CNBD1: variants seen among roughly 807,000 people sequenced by gnomAD.
The protein encoded by CNBD1 is cyclic nucleotide binding domain containing 1, also known as cyclic nucleotide-binding domain-containing protein 1.
Under a neutral mutation model 54.4 loss-of-function variants are expected in CNBD1, and 71 were observed. The observed-to-expected ratio is 1.30, with a 90% CI of 1.08 to 1.59. The LOEUF is 1.59. Among genes scored for constraint, CNBD1 ranks in the 40% most tolerant of loss-of-function variants. The probability of loss-of-function intolerance (pLI) is 0.00; values close to 1 mark genes in which losing one functional copy is unlikely to be tolerated. For missense variants in CNBD1, 659 were observed against 518.0 expected (o/e 1.27, Z -2.64); for synonymous variants, 182 against 170.7 (o/e 1.07, Z -0.51).
intron 4 of CNBD1, among the ~76,000 whole-genome samples, chr8:87,066,213 G>C (rs1424601246): frequency 6.6e-6 from 1 of 151,980 alleles, no homozygotes; most frequent in Non-Finnish European, 1.5e-5. Flanking sequence ...GAAGGTTTAT[G>C]TGAGACAACT....
Position 87,389,218 on chromosome 8 carries a change from G to C in CNBD1, c.213+35432G>C, listed in dbSNP as rs574639048. On this transcript the variant is annotated intron_variant, in intron 2 of 7. Coordinates refer to the CNBD1 transcript ENST00000521593. ...GACAGGGATGCCCTCTCTCACCGCTGCTATTCAACATAGTGTTGGAAGTTC... is the reference window on the plus strand; with the variant it reads ...GACAGGGATGCCCTCTCTCACCGCTCCTATTCAACATAGTGTTGGAAGTTC... Among the ~76,000 whole-genome samples, 146 of 152,184 alleles carry C rather than the reference G, an allele frequency of 9.6e-4. 1 individual carries two copies. The highest frequency in any genetic ancestry group is 3.3e-3 in the African/African-American group (137 of 41,542).
intron 3 of CNBD1, among the ~76,000 whole-genome samples, chr8:86,928,213 G>A (rs374527636): frequency 6.6e-5 from 10 of 152,178 alleles, no homozygotes; most frequent in African/African-American, 9.6e-5. Context: ...CAAGTTGGCC[G>A]TTTCCTGATC....
At chr8:87,272,270 G>A (rs1011247412) in intron 6 of CNBD1, among the ~76,000 whole-genome samples, 1 of 151,940 alleles carries the variant, frequency 6.6e-6, no homozygotes, top group African/African-American at 2.4e-5. Context: ...AATATTTAAA[G>A]TGATGGACAT....
At chr8:86,891,367 T>C (rs1213102122) in intron 2 of CNBD1, among the ~76,000 whole-genome samples, 1 of 152,160 alleles carries the variant, frequency 6.6e-6, no homozygotes, top group Non-Finnish European at 1.5e-5. Flanking sequence ...TTGTGTGTTC[T>C]TGGCAATTTT....
chr8:86,957,385 A>AAT lies in CNBD1; in HGVS notation c.431+17632_431+17633insTA. Among the ~76,000 whole-genome samples the AAT allele has an allele frequency of 4.6e-5, 7 of 152,226 alleles. No homozygotes were observed. In the East Asian group the frequency reaches 1.2e-3, roughly 25 times the overall value. On this transcript the variant is annotated intron_variant, in intron 4 of 10. Coordinates refer to ENST00000518476, the MANE Select transcript of CNBD1 (RefSeq NM_173538.3). ...GATTCCCTCTTTTTCTATTGATTGGAAGCATTTCAGAAGGAATGGTACCAG... is the reference window on the plus strand; with the variant it reads ...GATTCCCTCTTTTTCTATTGATTGGAATAGCATTTCAGAAGGAATGGTACCAG...
chr8:87,314,492 A>G (rs1305135038), intron 8 of CNBD1, among the ~76,000 whole-genome samples: 1 of 151,982 alleles, frequency 6.6e-6, no homozygotes, highest in Non-Finnish European at 1.5e-5. Flanking sequence ...ATCTAAAAAA[A>G]GAAGTCAGCT....
Position 86,939,623 on chromosome 8 carries a change from T to C in CNBD1, c.300T>C (p.Ser100=). The stretch of plus-strand genomic sequence containing the variant: ...AACTCAATGAAGGCAAAGAGGAAAG[T>C]CAACATCAACAACCTGATGATTCTA... ...QRELNEGKEE[S]QHQQPDDSNN... Residue 100 remains serine (S), a synonymous_variant, in exon 4 of 11, where the codon AGT becomes AGC. Transcript: ENST00000518476. 6.3e-7 allele frequency: 1 copy of C among 1,596,604 alleles called. No homozygotes were observed. Among genetic ancestry groups the C allele is most frequent in the Non-Finnish European group, 8.5e-7 (1 of 1,173,706 alleles).
chr8:87,006,780 C>T (rs1809106775), intron 4 of CNBD1, among the ~76,000 whole-genome samples: 1 of 152,198 alleles, frequency 6.6e-6, no homozygotes, highest in African/African-American at 2.4e-5. Context: ...TCTTTAATCT[C>T]CTCCTCTTCC....
chr8:86,898,692 A>G (rs1808883817), intron 2 of CNBD1, among the ~76,000 whole-genome samples: 1 of 152,190 alleles, frequency 6.6e-6, no homozygotes, highest in South Asian at 2.1e-4. Context: ...ATAGACCTAA[A>G]TTTAAAATGC....
At chr8:86,962,204 A>T (rs1807947074) in intron 4 of CNBD1, among the ~76,000 whole-genome samples, 1 of 152,184 alleles carries the variant, frequency 6.6e-6, no homozygotes, top group Non-Finnish European at 1.5e-5. Flanking sequence ...GTGCAATAAG[A>T]ATGGTAAGAC....
intron 4 of CNBD1, among the ~76,000 whole-genome samples, chr8:87,152,986 A>G (rs948299313): frequency 6.6e-6 from 1 of 152,188 alleles, no homozygotes; most frequent in African/African-American, 2.4e-5. Flanking sequence ...TAATTATATT[A>G]GTATGATTTC....
intron 4 of CNBD1, among the ~76,000 whole-genome samples, chr8:87,101,895 T>A (rs1429249328): frequency 6.6e-6 from 1 of 151,060 alleles, no homozygotes; most frequent in East Asian, 1.9e-4. Flanking sequence ...TTAATTTTTT[T>A]TTTTTTTTTT....
At chr8:87,255,347 T>C (rs1807989804) in intron 6 of CNBD1, among the ~76,000 whole-genome samples, 1 of 152,094 alleles carries the variant, frequency 6.6e-6, no homozygotes, top group African/African-American at 2.4e-5. Context: ...ATGTACTGAG[T>C]AGTTATAATT....
At chr8:87,138,550 G>A (rs1162288765) in intron 4 of CNBD1, among the ~76,000 whole-genome samples, 1 of 152,208 alleles carries the variant, frequency 6.6e-6, no homozygotes, top group Non-Finnish European at 1.5e-5. Flanking sequence ...TGCTCCTGCT[G>A]TTTAGTGGAA....
chr8:86,892,487 TA>T (rs1371110593), intron 2 of CNBD1, among the ~76,000 whole-genome samples: 1 of 152,134 alleles, frequency 6.6e-6, no homozygotes, highest in Non-Finnish European at 1.5e-5. Context: ...CATCGTTATT[TA>T]AAACAAAAGA....
At chr8:87,396,273 A>G (rs1470071473) in intron 2 of CNBD1, among the ~76,000 whole-genome samples, 1 of 151,950 alleles carries the variant, frequency 6.6e-6, no homozygotes, top group East Asian at 1.9e-4. Flanking sequence ...CTATAGTTTC[A>G]TACAACAATC....
intron 8 of CNBD1, among the ~76,000 whole-genome samples, chr8:87,348,784 C>T (rs917135183): frequency 1.3e-5 from 2 of 152,114 alleles, no homozygotes; most frequent in East Asian, 1.9e-4. Flanking sequence ...TTCTTCTTAT[C>T]GTAACTTCTT....
chr8:87,128,258 C>A (rs62527285), intron 4 of CNBD1, among the ~76,000 whole-genome samples: 2 of 152,190 alleles, frequency 1.3e-5, no homozygotes, highest in Admixed American at 6.5e-5. Flanking sequence ...TAAGCCATCC[C>A]GGATGGCAAG....
intron 4 of CNBD1, among the ~76,000 whole-genome samples, chr8:86,976,409 G>A (rs991335760): frequency 1.3e-5 from 2 of 151,706 alleles, no homozygotes; most frequent in African/African-American, 4.8e-5. Flanking sequence ...TTTCATATAA[G>A]GGATGAGATA....
Sources: gnomAD v4.1 joint callset for allele counts (sites outside exome capture counted in the v4.1 genomes callset) on GRCh38, gnomAD v4.1.1 for gene constraint, MANE v1.5 for transcripts, NCBI Gene and HGNC (gene_info 2026-07-23, HGNC 2026-07-21) for gene names.